KPNA4: variants seen among roughly 807,000 people sequenced by gnomAD.
KPNA4 encodes importin subunit alpha-3.
In KPNA4, 13 loss-of-function variants were observed where a neutral mutation model predicts 71.3. That is an observed-to-expected ratio of 0.18 (90% CI 0.12 to 0.29). The LOEUF (loss-of-function observed/expected upper bound fraction) is 0.29, where lower values mean the gene tolerates loss of function less well. Ranked by LOEUF, KPNA4 falls within the 10% of genes least tolerant of loss-of-function variation. The pLI, the probability that KPNA4 is intolerant of heterozygous loss-of-function variation, is 1.00. For synonymous variants in KPNA4, 189 were observed against 195.2 expected, an observed-to-expected ratio of 0.97 and a Z score of 0.26; for missense variants, 334 against 603.2, an observed-to-expected ratio of 0.55 and a Z score of 4.67.
intron 1 of KPNA4, among the ~76,000 whole-genome samples, chr3:160,559,308 G>C (rs1370198079): frequency 6.6e-6 from 1 of 152,134 alleles, no homozygotes; most frequent in Admixed American, 6.5e-5. Context: ...GCTTCCCAGA[G>C]AAAGTTAGAA....
intron 7 of KPNA4, among the ~76,000 whole-genome samples, chr3:160,528,977 G>T (rs1310905189): frequency 6.6e-6 from 1 of 152,180 alleles, no homozygotes; most frequent in Non-Finnish European, 1.5e-5. Flanking sequence ...GCCCAGACTG[G>T]AGTTCAGTGG....
In KPNA4 at chr3:160,501,073, C is replaced by T. The variant is rs1183939333; in HGVS notation, c.*1031G>A. On this transcript the variant is annotated 3_prime_UTR_variant, in exon 17 of 17. Transcript: ENST00000334256. Reference sequence around the variant, plus strand: ...TTACTGTTTTATACTATTATGGCAACTTGTGTACTGCAACACAGTCTATTT... The same window carrying T: ...TTACTGTTTTATACTATTATGGCAATTTGTGTACTGCAACACAGTCTATTT... The T allele has an allele frequency of 6.6e-6, 1 of 152,362 alleles. No homozygotes were observed. Among genetic ancestry groups the T allele is most frequent in the Non-Finnish European group, 1.5e-5 (1 of 68,010 alleles). 9.4% of individuals were successfully genotyped at this position (152,362 alleles called of 1,614,324 possible).
chr3:160,504,111 T>C (rs1577044074), intron 16 of KPNA4, among the ~76,000 whole-genome samples: 1 of 152,322 alleles, frequency 6.6e-6, no homozygotes, highest in African/African-American at 2.4e-5. Flanking sequence ...CTTAATTTTA[T>C]TTCTGGTTTA....
intron 13 of KPNA4, 122 bp downstream of exon 13, chr3:160,513,955 C>A (rs1721152762): frequency 4.7e-6 from 2 of 425,360 alleles, no homozygotes; most frequent in Admixed American, 5.2e-5. Context: ...TATTACTTTA[C>A]TATATTTATG....
chr3:160,524,007 A>G (rs751094581), intron 10 of KPNA4, among the ~76,000 whole-genome samples: 1 of 152,240 alleles, frequency 6.6e-6, no homozygotes, highest in Non-Finnish European at 1.5e-5. Flanking sequence ...TTACTTGCTC[A>G]TAACTGTATA....
intron 5 of KPNA4, among the ~76,000 whole-genome samples, chr3:160,534,986 T>G (rs997764037): frequency 1.3e-5 from 2 of 151,890 alleles, no homozygotes; most frequent in African/African-American, 4.8e-5. Context: ...CCTCCCAAAG[T>G]GCTGGGATTA....
At chr3:160,531,609 A>T in intron 5 of KPNA4, 52 bp from the exon 6 acceptor site, 1 of 888,188 alleles carries the variant, frequency 1.1e-6, no homozygotes. Context: ...CAATATTATG[A>T]TTAAATATAA....
chr3:160,542,050 G>A (rs974912633), intron 1 of KPNA4, among the ~76,000 whole-genome samples: 1 of 152,188 alleles, frequency 6.6e-6, no homozygotes, highest in Non-Finnish European at 1.5e-5. Flanking sequence ...AATCCATTTA[G>A]AGAAAGGCAT....
intron 1 of KPNA4, among the ~76,000 whole-genome samples, chr3:160,546,211 A>G (rs976594333): frequency 6.6e-6 from 1 of 152,224 alleles, no homozygotes; most frequent in African/African-American, 2.4e-5. Context: ...TCAGTGAGAT[A>G]GAAGGCAGTC....
chr3:160,512,581 T>C (rs986436629), intron 13 of KPNA4, among the ~76,000 whole-genome samples: 5 of 152,186 alleles, frequency 3.3e-5, no homozygotes, highest in Non-Finnish European at 5.9e-5. Context: ...AGAAATGCTC[T>C]TGGCCGGGCA....
chr3:160,531,364 T>C, intron 6 of KPNA4, 98 bp downstream of exon 6: 1 of 610,112 alleles, frequency 1.6e-6, no homozygotes. Flanking sequence ...CCATAGCCCT[T>C]TTCTTCTTTC....
intron 13 of KPNA4, among the ~76,000 whole-genome samples, chr3:160,510,416 T>A (rs1319297722): frequency 6.6e-6 from 1 of 152,164 alleles, no homozygotes; most frequent in Admixed American, 6.5e-5. Flanking sequence ...TATCTTTCTA[T>A]ATATGGTTAT....
At chr3:160,511,186 A>T (rs1721085525) in intron 13 of KPNA4, among the ~76,000 whole-genome samples, 1 of 151,874 alleles carries the variant, frequency 6.6e-6, no homozygotes, top group African/African-American at 2.4e-5. Flanking sequence ...GCTCACTGCA[A>T]GCTCTGCCTC....
At chr3:160,515,736 T>C (rs1470363611) in intron 11 of KPNA4, among the ~76,000 whole-genome samples, 156 bp from the exon 12 acceptor site, 1 of 151,772 alleles carries the variant, frequency 6.6e-6, no homozygotes, top group African/African-American at 2.4e-5. Flanking sequence ...CACCCCAGCC[T>C]CCAGAGTATC....
chr3:160,554,072 G>A (rs986893839), intron 1 of KPNA4, among the ~76,000 whole-genome samples: 1 of 152,180 alleles, frequency 6.6e-6, no homozygotes, highest in Non-Finnish European at 1.5e-5. Context: ...TTCAATACAG[G>A]GAAGGGTAGA....
chr3:160,512,334 GAACA>G (rs1179576321), intron 13 of KPNA4, among the ~76,000 whole-genome samples: 4 of 151,884 alleles, frequency 2.6e-5, no homozygotes, highest in African/African-American at 7.3e-5. Flanking sequence ...TGTTGGTCAG[GAACA>G]AACAGAGTAT....
At chr3:160,526,319 CT>C (rs1354802906) in intron 8 of KPNA4, among the ~76,000 whole-genome samples, 1 of 152,224 alleles carries the variant, frequency 6.6e-6, no homozygotes, top group African/African-American at 2.4e-5. Flanking sequence ...TTATTCCCAT[CT>C]TCAGCATTTT....
At chr3:160,548,697 C>T (rs752486106) in intron 1 of KPNA4, among the ~76,000 whole-genome samples, 1 of 152,234 alleles carries the variant, frequency 6.6e-6, no homozygotes, top group Non-Finnish European at 1.5e-5. Flanking sequence ...CTATTTTATA[C>T]ATTAAATAAC....
At chr3:160,552,329 T>A (rs1408948111) in intron 1 of KPNA4, among the ~76,000 whole-genome samples, 1 of 152,170 alleles carries the variant, frequency 6.6e-6, no homozygotes, top group African/African-American at 2.4e-5. Flanking sequence ...AAACTGCACT[T>A]GTATTCCATA....
Sources: allele counts gnomAD v4.1 joint callset (sites outside exome capture counted in the v4.1 genomes callset), GRCh38; gene constraint gnomAD v4.1.1; transcripts MANE v1.5; gene names NCBI Gene and HGNC (gene_info 2026-07-23, HGNC 2026-07-21).